The following FGF12 variants were observed in gnomAD, a reference collection of about 807,000 sequenced individuals.
FGF12 encodes the protein fibroblast growth factor 12B.
A neutral mutation model predicts 23.6 loss-of-function variants in FGF12; 14 were observed. The observed-to-expected ratio is 0.59, with a 90% CI of 0.39 to 0.93. The LOEUF (loss-of-function observed/expected upper bound fraction) is 0.93, where lower values mean the gene tolerates loss of function less well. Among genes scored for constraint, FGF12 ranks in the 40% least tolerant of loss-of-function variants. FGF12 has a pLI of 0.00. For synonymous variants in FGF12, 62 were observed against 77.3 expected (o/e 0.80, Z 1.04); for missense variants, 175 against 217.8 (o/e 0.80, Z 1.24).
At chr3:192,335,019 C>T (rs542817770) in intron 4 of FGF12, among the ~76,000 whole-genome samples, 2 of 152,220 alleles carry the variant, frequency 1.3e-5, no homozygotes, top group South Asian at 4.1e-4. Context: ...CTCCCTGAGC[C>T]ATCCTCCATG....
At chr3:192,595,502 C>A (rs896074736) in intron 2 of FGF12, among the ~76,000 whole-genome samples, 3 of 152,124 alleles carry the variant, frequency 2.0e-5, no homozygotes, top group Non-Finnish European at 4.4e-5. Context: ...TTTAGTAGAG[C>A]AGTGGTTCTT....
At chr3:192,471,711 T>C (rs1165261039) in intron 2 of FGF12, among the ~76,000 whole-genome samples, 2 of 152,218 alleles carry the variant, frequency 1.3e-5, no homozygotes, top group Non-Finnish European at 2.9e-5. Flanking sequence ...TGAGCTGGGA[T>C]ATTCTGAGCC....
intron 2 of FGF12, among the ~76,000 whole-genome samples, chr3:192,715,458 A>G (rs1037453599): frequency 6.6e-6 from 1 of 152,228 alleles, no homozygotes; most frequent in African/African-American, 2.4e-5. Context: ...ACCTTTGCAT[A>G]TAATATTTCA....
chr3:192,317,598 C>G (rs1362563860), intron 4 of FGF12, among the ~76,000 whole-genome samples: 2 of 151,868 alleles, frequency 1.3e-5, no homozygotes, highest in African/African-American at 4.8e-5. Flanking sequence ...TCATAAGGTT[C>G]TCAACTCCAG....
At chr3:192,530,710 A>T (rs1302766952) in intron 2 of FGF12, among the ~76,000 whole-genome samples, 1 of 152,200 alleles carries the variant, frequency 6.6e-6, no homozygotes, top group Non-Finnish European at 1.5e-5. Flanking sequence ...GAGGTGATGA[A>T]AGTGTTCAGG....
chr3:192,400,342 C>T (rs1164348612), intron 2 of FGF12, among the ~76,000 whole-genome samples: 4 of 151,594 alleles, frequency 2.6e-5, no homozygotes, highest in African/African-American at 9.7e-5. Context: ...ATAAATAAAA[C>T]CCAATCTTCC....
intron 2 of FGF12, among the ~76,000 whole-genome samples, chr3:192,635,586 C>A (rs756030023): frequency 2.0e-5 from 3 of 152,180 alleles, no homozygotes; most frequent in Non-Finnish European, 4.4e-5. Context: ...TTTTATAATG[C>A]TTATGACTTG....
In FGF12 at chr3:192,140,919, G is replaced by A. The variant is rs1463305546; in HGVS notation, c.*3090C>T. 1 of 151,718 alleles carries A rather than the reference G, an allele frequency of 6.6e-6. No homozygotes were observed. The highest frequency in any genetic ancestry group is 1.5e-5 in the Non-Finnish European group (1 of 67,788). 9.4% of individuals were successfully genotyped at this position (151,718 alleles called of 1,614,324 possible). ...TCCATTTGTTTCTATACTTTATTCT[G>A]CGAGCTTAAAAATCAAGTAAGGTGT... On this transcript the variant is annotated 3_prime_UTR_variant, in exon 6 of 6. Coordinates refer to ENST00000445105, the MANE Select transcript of FGF12 (RefSeq NM_004113.6).
chr3:192,170,835 T>C (rs778651110), intron 4 of FGF12, among the ~76,000 whole-genome samples, 179 bp from the exon 5 acceptor site: 1 of 152,200 alleles, frequency 6.6e-6, no homozygotes, highest in Non-Finnish European at 1.5e-5. Flanking sequence ...TCAAAAAACA[T>C]GATTGCCTTT....
Position 192,458,124 on chromosome 3 carries a change from C to T in FGF12, c.14-97586G>A, listed in dbSNP as rs191693909. ...CTAGATTTCAGAAGATGTATGGAAA[C>T]GCCTGGATGCCCAGGCGAAAGTTTG... On this transcript the variant is annotated intron_variant, in intron 2 of 5. Transcript: ENST00000445105. 2.4e-3 allele frequency among the ~76,000 whole-genome samples: 368 copies of T among 152,316 alleles called. 2 individuals carry two copies. The highest frequency in any genetic ancestry group is 8.2e-3 in the African/African-American group (340 of 41,570).
chr3:192,623,468 A>G (rs774187066), intron 2 of FGF12, among the ~76,000 whole-genome samples: 1 of 152,112 alleles, frequency 6.6e-6, no homozygotes, highest in Non-Finnish European at 1.5e-5. Flanking sequence ...TTTCTTCATA[A>G]TCCTGTAAAT....
intron 5 of FGF12, among the ~76,000 whole-genome samples, chr3:192,157,944 C>T (rs9821942): frequency 0.8 from 121,275 of 152,076 alleles, 48,413 homozygotes; most frequent in Admixed American, 0.86. Flanking sequence ...TGTTTTGCAG[C>T]TGAGTAAACT....
chr3:192,175,474 TCA>T (rs1209840057), intron 4 of FGF12, among the ~76,000 whole-genome samples: 1 of 151,828 alleles, frequency 6.6e-6, no homozygotes, highest in East Asian at 1.9e-4. Flanking sequence ...GGTCTATTTT[TCA>T]CAATTATTAC....
At chr3:192,166,903 T>G (rs1446250286) in intron 5 of FGF12, among the ~76,000 whole-genome samples, 1 of 152,114 alleles carries the variant, frequency 6.6e-6, no homozygotes, top group African/African-American at 2.4e-5. Context: ...CAAAAATCCT[T>G]GGAAGTGAAT....
chr3:192,408,253 C>G lies in FGF12; in HGVS notation c.14-47715G>C. The G allele has an allele frequency of 6.4e-7, 1 of 1,564,744 alleles. No individual in the cohort carries two copies. The highest frequency in any genetic ancestry group is 8.6e-7 in the Non-Finnish European group (1 of 1,159,578). On this transcript the variant is annotated intron_variant, in intron 2 of 5. Transcript: ENST00000445105. The surrounding 1 kb of genome is among the most constrained non-coding windows in gnomAD (Gnocchi z 7.3). ...GCTCAGCGAGGGCCTCAGGCCCCAG[C>G]CTCTACTGCGCCCTCCGGCTTGCGC...
At chr3:192,454,712 C>T (rs1722626863) in intron 2 of FGF12, among the ~76,000 whole-genome samples, 1 of 152,064 alleles carries the variant, frequency 6.6e-6, no homozygotes, top group Admixed American at 6.6e-5. Context: ...TGACAAAGGA[C>T]ACAAAACCAT....
chr3:192,631,482 C>A (rs1715390484), intron 2 of FGF12, among the ~76,000 whole-genome samples: 1 of 152,244 alleles, frequency 6.6e-6, no homozygotes, highest in Non-Finnish European at 1.5e-5. Flanking sequence ...TTTGCAGCCA[C>A]ACCTGGATAA....
At chr3:192,240,243 A>G (rs1719537842) in intron 4 of FGF12, among the ~76,000 whole-genome samples, 1 of 152,208 alleles carries the variant, frequency 6.6e-6, no homozygotes, top group South Asian at 2.1e-4. Context: ...TAATTACCAT[A>G]TACTGGAGAG....
At chr3:192,293,329 C>T (rs764155252) in intron 4 of FGF12, among the ~76,000 whole-genome samples, 11 of 152,104 alleles carry the variant, frequency 7.2e-5, no homozygotes, top group South Asian at 2.1e-4. Context: ...TGTTACAATT[C>T]GTTAACAGAA....
Sources: gnomAD v4.1 joint callset for allele counts (sites outside exome capture counted in the v4.1 genomes callset) on GRCh38, gnomAD v4.1.1 for gene constraint, Gnocchi (gnomAD v3.1) non-coding constraint, MANE v1.5 for transcripts, NCBI Gene and HGNC (gene_info 2026-07-23, HGNC 2026-07-21) for gene names.